Variants in CUBN observed in about 807,000 individuals in gnomAD.
CUBN encodes 460 kDa receptor.
Under a neutral mutation model 405.3 loss-of-function variants are expected in CUBN, and 282 were observed. That is an observed-to-expected ratio of 0.70 (90% CI 0.63 to 0.77). CUBN has a LOEUF of 0.77. CUBN is among the 30% of genes least tolerant of loss of function. The pLI is 0.00. For missense variants in CUBN, 4,514 were observed against 4,475.2 expected (o/e 1.01, Z -0.25); for synonymous variants, 1,684 against 1,617.0 (o/e 1.04, Z -0.99).
intron 28 of CUBN, among the ~76,000 whole-genome samples, chr10:16,998,115 A>T (rs1052861149): frequency 6.6e-6 from 1 of 152,104 alleles, no homozygotes; most frequent in African/African-American, 2.4e-5. Flanking sequence ...AGGACAAAAC[A>T]TCGTGACTCC....
chr10:16,874,204 G>T (rs1017158676), intron 58 of CUBN, among the ~76,000 whole-genome samples, 170 bp downstream of exon 58: 2 of 152,124 alleles, frequency 1.3e-5, no homozygotes, highest in African/African-American at 4.8e-5. Flanking sequence ...TGTGTGGAGA[G>T]GGGGAGCGTC....
At chr10:16,872,621 C>T (rs1352761295) in intron 58 of CUBN, among the ~76,000 whole-genome samples, 1 of 152,144 alleles carries the variant, frequency 6.6e-6, no homozygotes, top group African/African-American at 2.4e-5. Context: ...AGGAGCTCAC[C>T]AGACAACGAA....
In CUBN at chr10:17,016,662, C is replaced by T. The variant is rs370596711; in HGVS notation, c.4168+3171G>A. Among the ~76,000 whole-genome samples, 5 of 152,228 alleles carry T rather than the reference C, an allele frequency of 3.3e-5. No individual in the cohort carries two copies. The Middle Eastern group carries it at 0.01, about 313-fold the overall frequency. On this transcript the variant is annotated intron_variant, in intron 28 of 66. Coordinates refer to ENST00000377833, the MANE Select transcript of CUBN (RefSeq NM_001081.4). ...GGGCCAAATTCTCCTTCCCCTACAG[C>T]TTGAAGGGTACATAACCAATATCCC...
At chr10:16,846,901 C>T (rs576314909) in intron 60 of CUBN, among the ~76,000 whole-genome samples, 102 of 152,082 alleles carry the variant, frequency 6.7e-4, no homozygotes, top group South Asian at 8.3e-4. Flanking sequence ...GAGGACCTCT[C>T]TCTGCTGGTT....
chr10:17,108,930 T>G (rs1285011410), intron 10 of CUBN, among the ~76,000 whole-genome samples: 1 of 152,054 alleles, frequency 6.6e-6, no homozygotes, highest in Non-Finnish European at 1.5e-5. Flanking sequence ...AGATGCCCAG[T>G]GAAAATGTGG....
chr10:17,105,271 A>G lies in CUBN; in HGVS notation c.1230+186T>C, dbSNP rs77960360. 0.013 allele frequency among the ~76,000 whole-genome samples: 1,947 copies of G among 152,316 alleles called. 17 individuals carry two copies. The highest frequency in any genetic ancestry group is 0.017 in the Non-Finnish European group (1,137 of 68,030). On this transcript the variant is annotated intron_variant, in intron 11 of 66. Coordinates refer to ENST00000377833, the MANE Select transcript of CUBN (RefSeq NM_001081.4). ...ACTTCATAAACCACTGAGACAAAAA[A>G]TTAACTCAATGTTTTTTCCTAAGAA... is the stretch of plus-strand genomic sequence containing the variant.
At chr10:16,950,360 C>A (rs964912571) in intron 33 of CUBN, among the ~76,000 whole-genome samples, 21 of 152,062 alleles carry the variant, frequency 1.4e-4, no homozygotes, top group African/African-American at 4.3e-4. Flanking sequence ...ATGGATACCC[C>A]ATTTCCATGA....
At chr10:16,925,501 T>A (rs1330626795) in intron 42 of CUBN, 77 bp from the exon 43 acceptor site, 1 of 1,607,034 alleles carries the variant, frequency 6.2e-7, no homozygotes, top group Admixed American at 1.7e-5. Flanking sequence ...TCCATTTATG[T>A]CCCAGGAGAG....
chr10:16,984,391 T>C, intron 29 of CUBN, 112 bp from the exon 30 acceptor site: 1 of 1,038,830 alleles, frequency 9.6e-7, no homozygotes, highest in Admixed American at 2.0e-5. Flanking sequence ...TATTAGAGAT[T>C]GAAATCTCAG....
chr10:16,907,603 T>A lies in CUBN; in HGVS notation c.7610A>T (p.Lys2537Ile). The change falls in exon 49 of 67, where the codon AAA becomes ATA. Residue 2537 changes from lysine (K) to isoleucine (I), a missense_variant. Physicochemically the swap from Lys to Ile is moderately radical, Grantham distance 102 (BLOSUM62 -3). This residue lies in a region of CUBN where 1,613 missense variants were observed against 1,542.8 expected (regional missense o/e 1.05). Transcript: ENST00000377833. ...CSSVNVSNEI[K>I]SSGNTMKVIF... is the part of the protein sequence containing the mutation. The stretch of plus-strand genomic sequence containing the variant: ...GACTTTCATTGTGTTTCCTGAAGAT[T>A]TAATCTCATTGCTTACATTCACACT... The A allele has an allele frequency of 6.2e-7, 1 of 1,613,450 alleles. No homozygotes were observed. The highest frequency in any genetic ancestry group is 8.5e-7 in the Non-Finnish European group (1 of 1,180,020).
intron 59 of CUBN, among the ~76,000 whole-genome samples, chr10:16,853,952 T>C (rs938588859): frequency 1.3e-5 from 2 of 152,160 alleles, no homozygotes; most frequent in South Asian, 2.1e-4. Flanking sequence ...AGTATTTAAG[T>C]AGAAAAAGAT....
chr10:16,909,304 A>C (rs1841654974), intron 48 of CUBN, among the ~76,000 whole-genome samples: 1 of 152,212 alleles, frequency 6.6e-6, no homozygotes. Context: ...TTTACTGAGC[A>C]GACAAAAATG....
chr10:17,071,275 AT>A, intron 19 of CUBN, 150 bp downstream of exon 19: 1 of 779,666 alleles, frequency 1.3e-6, no homozygotes, highest in Non-Finnish European at 2.1e-6. Context: ...CTGAACCAGT[AT>A]TTTGCTGAGG....
intron 28 of CUBN, among the ~76,000 whole-genome samples, chr10:17,003,717 G>A (rs1833948005): frequency 6.6e-6 from 1 of 152,136 alleles, no homozygotes; most frequent in African/African-American, 2.4e-5. Context: ...CACAGCACTG[G>A]CCACATAGCC....
chr10:16,867,055 A>G (rs1840207905), intron 59 of CUBN, among the ~76,000 whole-genome samples: 1 of 152,378 alleles, frequency 6.6e-6, no homozygotes, highest in East Asian at 1.9e-4. Context: ...TGTATAATCT[A>G]AATAGCAAAT....
chr10:16,922,008 G>C (rs1842047585), intron 43 of CUBN, among the ~76,000 whole-genome samples: 1 of 152,008 alleles, frequency 6.6e-6, no homozygotes, highest in Admixed American at 6.5e-5. Context: ...CTCTTCCTAT[G>C]GACACTCTGC....
intron 31 of CUBN, among the ~76,000 whole-genome samples, chr10:16,956,212 G>T (rs1843059315): frequency 1.3e-5 from 2 of 152,064 alleles, no homozygotes; most frequent in Non-Finnish European, 2.9e-5. Context: ...ATATCAATAG[G>T]ATTTTTAACT....
At chr10:17,035,137 A>T (rs996631302) in intron 27 of CUBN, among the ~76,000 whole-genome samples, 2 of 152,154 alleles carry the variant, frequency 1.3e-5, no homozygotes, top group Non-Finnish European at 2.9e-5. Context: ...CATTCTAGAA[A>T]ATTGGCAAAT....
At chr10:16,899,487 C>A (rs190318985) in intron 53 of CUBN, among the ~76,000 whole-genome samples, 236 of 152,260 alleles carry the variant, frequency 1.5e-3, no homozygotes, top group African/African-American at 5.0e-3. Context: ...TATTTTTATT[C>A]TCTTTGAGCC....
Sources: gnomAD v4.1 joint callset for allele counts (sites outside exome capture counted in the v4.1 genomes callset) on GRCh38, gnomAD v4.1.1 for gene constraint, gnomAD v4.1.1 regional missense constraint, MANE v1.5 for transcripts, NCBI Gene and HGNC (gene_info 2026-07-23, HGNC 2026-07-21) for gene names.